SNRNP48: variants seen among roughly 807,000 people sequenced by gnomAD.
SNRNP48 encodes the protein U11/U12 small nuclear ribonucleoprotein 48 kDa protein.
A neutral mutation model predicts 47.0 loss-of-function variants in SNRNP48; 43 were observed. The observed-to-expected ratio is 0.92, with a 90% CI of 0.72 to 1.18. The LOEUF is 1.18. Ranked by LOEUF, SNRNP48 falls within the 50% of genes most tolerant of loss-of-function variation. The pLI is 0.00. For missense variants in SNRNP48, 396 were observed against 422.2 expected, an observed-to-expected ratio of 0.94 and a Z score of 0.54; for synonymous variants, 138 against 144.0, an observed-to-expected ratio of 0.96 and a Z score of 0.30.
chr6:7,604,949 A>G (rs1367301207), intron 6 of SNRNP48, among the ~76,000 whole-genome samples: 1 of 152,148 alleles, frequency 6.6e-6, no homozygotes, highest in Non-Finnish European at 1.5e-5. Flanking sequence ...AAGAACTCCC[A>G]TATTGTCTTT....
chr6:7,593,176 G>C (rs951444468), intron 1 of SNRNP48, among the ~76,000 whole-genome samples: 1 of 151,970 alleles, frequency 6.6e-6, no homozygotes, highest in Non-Finnish European at 1.5e-5. Context: ...AAAGGTCAGT[G>C]GTTATATTAA....
rs1322532165 is a variant in SNRNP48 at position 7,590,547 on chromosome 6, G to T, written c.156+134G>T. On this transcript the variant is annotated intron_variant, in intron 1 of 8. Coordinates refer to ENST00000342415, the MANE Select transcript of SNRNP48 (RefSeq NM_152551.4). ...GTCCGTGTGCAGAGCCGCGATGGGC[G>T]CCTGGGACCCGAGGGGCGCCGGGGG... The T allele has an allele frequency of 2.8e-6, 3 of 1,068,508 alleles. No homozygotes were observed. In the East Asian group the frequency reaches 9.7e-5, roughly 34 times the overall value. The allele number at this position is 1,068,508 out of a possible 1,614,324, so 66.2% of individuals were successfully genotyped here.
chr6:7,608,828 TG>T lies in SNRNP48; in HGVS notation c.979del (p.Glu327LysfsTer15). 1 of 1,496,048 alleles carries T rather than the reference TG, an allele frequency of 6.7e-7. No individual in the cohort carries two copies. The highest frequency in any genetic ancestry group is 1.4e-5 in the African/African-American group (1 of 70,214). The allele number at this position is 1,496,048 out of a possible 1,614,324, so 92.7% of individuals were successfully genotyped here. ...TTTTATACCTCTTTTATTTCAGGGA[TG>T]GGGAAAGACACCATAGTCATAAAAG... The part of the protein sequence containing the change: ...CESRRRKERD[G>X]ERHHSHKRRK... On this transcript the variant is annotated frameshift_variant, in exon 9 of 9. Coordinates refer to ENST00000342415, the MANE Select transcript of SNRNP48 (RefSeq NM_152551.4). LOFTEE classifies it high-confidence loss of function.
At chr6:7,601,593 ATTTAATTC>A in intron 5 of SNRNP48, 69 bp downstream of exon 5, 1 of 1,378,532 alleles carries the variant, frequency 7.3e-7, no homozygotes, top group South Asian at 1.8e-5. Context: ...TATTAAGATG[ATTTAATTC>A]TTGGGCCACT....
chr6:7,599,863 A>G, intron 4 of SNRNP48: 1 of 1,061,528 alleles, frequency 9.4e-7, no homozygotes, highest in Non-Finnish European at 1.2e-6. Flanking sequence ...ATCAGTCTTC[A>G]TCATAAAGAA....
intron 1 of SNRNP48, among the ~76,000 whole-genome samples, chr6:7,590,893 G>C (rs1379431563): frequency 6.6e-6 from 1 of 152,170 alleles, no homozygotes; most frequent in Admixed American, 6.5e-5. Flanking sequence ...TGGAAGGATA[G>C]CTTGAGCCCA....
intron 4 of SNRNP48, among the ~76,000 whole-genome samples, chr6:7,595,463 G>T (rs1184277854): frequency 6.6e-6 from 1 of 152,158 alleles, no homozygotes; most frequent in African/African-American, 2.4e-5. Flanking sequence ...ATGGTGTTGT[G>T]AAAACAATAC....
chr6:7,606,297 T>G (rs914464302), intron 8 of SNRNP48, 102 bp downstream of exon 8: 2 of 1,159,778 alleles, frequency 1.7e-6, no homozygotes, highest in East Asian at 2.6e-5. Flanking sequence ...ATTTTAAGAA[T>G]AAGCTAAAGT....
intron 4 of SNRNP48, chr6:7,600,596 G>T (rs975286820): frequency 2.0e-5 from 3 of 151,922 alleles, no homozygotes; most frequent in Admixed American, 2.0e-4. Context: ...TCATATCAAG[G>T]TATTGTATTT....
intron 4 of SNRNP48, chr6:7,599,935 T>C (rs1343378399): frequency 1.0e-6 from 1 of 998,374 alleles, no homozygotes; most frequent in Non-Finnish European, 1.2e-6. Flanking sequence ...TATATTTCTT[T>C]GTTTAAAAAT....
intron 4 of SNRNP48, among the ~76,000 whole-genome samples, chr6:7,596,039 G>C (rs912163429): frequency 6.6e-6 from 1 of 152,168 alleles, no homozygotes; most frequent in South Asian, 2.1e-4. Flanking sequence ...CGAGGCAGGT[G>C]GATCATCTGA....
At chr6:7,591,250 G>A (rs991151170) in intron 1 of SNRNP48, among the ~76,000 whole-genome samples, 6 of 152,224 alleles carry the variant, frequency 3.9e-5, no homozygotes, top group African/African-American at 1.2e-4. Flanking sequence ...TCACCAAGAG[G>A]TGGTAACTGG....
intron 4 of SNRNP48, among the ~76,000 whole-genome samples, chr6:7,598,384 A>G (rs1397228603): frequency 6.6e-6 from 1 of 151,900 alleles, no homozygotes; most frequent in Non-Finnish European, 1.5e-5. Flanking sequence ...AATCCCAGCT[A>G]CTCAGGAGGC....
rs1327339165 is a variant in SNRNP48, at chr6:7,590,270, C to G, written c.13C>G (p.Pro5Ala). Residue 5 changes from proline (P) to alanine (A), a missense_variant, in exon 1 of 9, where the codon CCT (proline) becomes GCT (alanine). Physicochemically the swap from Pro to Ala is conservative, Grantham distance 27. Coordinates refer to ENST00000342415, the MANE Select transcript of SNRNP48 (RefSeq NM_152551.4). ...GTGGGCTGCAGCTATGGAGGGCGAG[C>G]CTCCACCTGTGGAGGAGCGGCGGCG... Reference protein sequence around the residue: MEGEPPPVEERRRLQ... With the variant: MEGEAPPVEERRRLQ... 5 of 1,350,328 alleles carry G rather than the reference C, an allele frequency of 3.7e-6. No individual in the cohort carries two copies. Among genetic ancestry groups the G allele is most frequent in the Non-Finnish European group, 4.8e-6 (5 of 1,040,694 alleles). 83.6% of individuals were successfully genotyped at this position (1,350,328 alleles called of 1,614,324 possible).
intron 5 of SNRNP48, 66 bp from the exon 6 acceptor site, chr6:7,602,557 A>G: frequency 8.0e-7 from 1 of 1,249,258 alleles, no homozygotes; most frequent in Non-Finnish European, 1.1e-6. Context: ...TGATGTATTT[A>G]TTTGATAATT....
chr6:7,595,347 C>T (rs570604924), intron 4 of SNRNP48, among the ~76,000 whole-genome samples: 5 of 151,588 alleles, frequency 3.3e-5, no homozygotes, highest in South Asian at 4.2e-4. Context: ...AATTACCTGG[C>T]GATTTATAGG....
At chr6:7,595,150 T>C in intron 4 of SNRNP48, 49 bp downstream of exon 4, 1 of 1,447,808 alleles carries the variant, frequency 6.9e-7, no homozygotes, top group Non-Finnish European at 9.3e-7. Context: ...ATTATTATTT[T>C]TCTCATAAGC....
chr6:7,606,386 A>C (rs1051164073), intron 8 of SNRNP48, among the ~76,000 whole-genome samples, 191 bp downstream of exon 8: 1 of 152,224 alleles, frequency 6.6e-6, no homozygotes, highest in African/African-American at 2.4e-5. Context: ...AGTGACATAG[A>C]TCTCTACATG....
intron 2 of SNRNP48, 77 bp from the exon 3 acceptor site, chr6:7,594,015 AGTGATAC>A (rs1198726861): frequency 1.0e-6 from 1 of 988,888 alleles, no homozygotes; most frequent in Non-Finnish European, 1.5e-6. Flanking sequence ...GAAATAATTA[AGTGATAC>A]TAATCTATTG....
Sources: allele counts gnomAD v4.1 joint callset (sites outside exome capture counted in the v4.1 genomes callset), GRCh38; gene constraint gnomAD v4.1.1; transcripts MANE v1.5; gene names NCBI Gene and HGNC (gene_info 2026-07-23, HGNC 2026-07-21).